The following RASGEF1C variants were observed in gnomAD, a reference collection of about 807,000 sequenced individuals.
RASGEF1C encodes ras-GEF domain-containing family member 1C.
RASGEF1C carries 27 observed loss-of-function variants against 58.1 expected under a neutral mutation model. That is an observed-to-expected ratio of 0.46 (90% confidence interval 0.34 to 0.64). The LOEUF is 0.64. RASGEF1C is among the 30% of genes least tolerant of loss of function. The pLI is 0.01. For missense variants in RASGEF1C, 502 were observed against 605.1 expected (o/e 0.83, Z 1.79); for synonymous variants, 243 against 246.3 (o/e 0.99, Z 0.13).
At chr5:180,140,112 C>A (rs1561741182) in intron 1 of RASGEF1C, among the ~76,000 whole-genome samples, 1 of 152,106 alleles carries the variant, frequency 6.6e-6, no homozygotes, top group African/African-American at 2.4e-5. Flanking sequence ...AGGTGCTGGG[C>A]ACATGGGAGG....
At chr5:180,103,364 A>C (rs544998448) in intron 12 of RASGEF1C, among the ~76,000 whole-genome samples, 2 of 152,214 alleles carry the variant, frequency 1.3e-5, no homozygotes, top group African/African-American at 2.4e-5. Context: ...GGCGTGAGCC[A>C]CCGCACCCGG....
chr5:180,202,410 G>A (rs1390198261), intron 1 of RASGEF1C, among the ~76,000 whole-genome samples: 1 of 151,910 alleles, frequency 6.6e-6, no homozygotes, highest in Non-Finnish European at 1.5e-5. Flanking sequence ...AGTCCCCCAC[G>A]TACCTAAGAT....
chr5:180,105,434 C>T (rs577007659), intron 12 of RASGEF1C, among the ~76,000 whole-genome samples: 7 of 151,702 alleles, frequency 4.6e-5, no homozygotes, highest in Non-Finnish European at 5.9e-5. Context: ...TGGTGGCGGG[C>T]GCCTGTAGTC....
At chr5:180,119,237 G>T in intron 8 of RASGEF1C, 109 bp downstream of exon 8, 1 of 946,078 alleles carries the variant, frequency 1.1e-6, no homozygotes, top group Non-Finnish European at 1.7e-6. Context: ...ACGCCCTCCC[G>T]CTGCTCAGAG....
At chr5:180,131,423 C>T (rs941950590) in intron 4 of RASGEF1C, among the ~76,000 whole-genome samples, 24 of 152,110 alleles carry the variant, frequency 1.6e-4, no homozygotes, top group African/African-American at 5.1e-4. Flanking sequence ...CCTTCTGGCA[C>T]GTTCTCCTCA....
At chr5:180,127,947 C>T (rs1454088063) in intron 5 of RASGEF1C, among the ~76,000 whole-genome samples, 3 of 152,228 alleles carry the variant, frequency 2.0e-5, no homozygotes, top group East Asian at 1.9e-4. Context: ...CCAGGCTCCA[C>T]GCTGGGTAAC....
At chr5:180,131,760 G>A (rs1038890186) in intron 4 of RASGEF1C, among the ~76,000 whole-genome samples, 2 of 152,316 alleles carry the variant, frequency 1.3e-5, no homozygotes, top group Non-Finnish European at 2.9e-5. Context: ...GCTGCAGGGT[G>A]TCTGTGCCTA....
rs192781212 is a variant in RASGEF1C, at chr5:180,195,188, C to T, written c.-7+13840G>A. On this transcript the variant is annotated intron_variant, in intron 1 of 13. Transcript: ENST00000361132. Reference sequence around the variant, plus strand: ...TGACCTTGGGGAGCAGCTGGGGCATCGTGCCCTCCCGCCAGCGTCCCTGGA... The same window carrying T: ...TGACCTTGGGGAGCAGCTGGGGCATTGTGCCCTCCCGCCAGCGTCCCTGGA... Among the ~76,000 whole-genome samples, 29 of 152,246 alleles carry T rather than the reference C, an allele frequency of 1.9e-4. 1 individual carries two copies. The East Asian group carries it at 4.1e-3, about 21-fold the overall frequency.
chr5:180,192,456 G>A (rs769146070), intron 1 of RASGEF1C, among the ~76,000 whole-genome samples: 28 of 151,864 alleles, frequency 1.8e-4, no homozygotes, highest in Non-Finnish European at 3.7e-4. Flanking sequence ...TCACACAGCC[G>A]CTTGAAAAAA....
intron 1 of RASGEF1C, among the ~76,000 whole-genome samples, chr5:180,146,359 CA>C (rs1442640897): frequency 6.6e-6 from 1 of 152,186 alleles, no homozygotes; most frequent in Non-Finnish European, 1.5e-5. Context: ...CCATGTTGCG[CA>C]GGCTGGTTTC....
chr5:180,191,652 G>A (rs13158047), intron 1 of RASGEF1C, among the ~76,000 whole-genome samples: 12,511 of 152,312 alleles, frequency 0.082, 698 homozygotes, highest in Non-Finnish European at 0.12. Flanking sequence ...CACCGCGCCC[G>A]GCCACAGTGG....
chr5:180,205,550 C>T (rs1020205497), intron 1 of RASGEF1C, among the ~76,000 whole-genome samples: 1 of 152,052 alleles, frequency 6.6e-6, no homozygotes, highest in East Asian at 1.9e-4. Flanking sequence ...TCTCCTTCCC[C>T]GCCCGAACAG....
chr5:180,132,178 C>T (rs991224704), intron 4 of RASGEF1C, among the ~76,000 whole-genome samples: 1 of 152,240 alleles, frequency 6.6e-6, no homozygotes, highest in African/African-American at 2.4e-5. Flanking sequence ...CACTTTGCCC[C>T]TCCTGCCTCG....
At chr5:180,132,225 AG>A (rs1766382512) in intron 4 of RASGEF1C, among the ~76,000 whole-genome samples, 1 of 152,132 alleles carries the variant, frequency 6.6e-6, no homozygotes, top group Admixed American at 6.5e-5. Context: ...CATAGTTGGG[AG>A]GCTGCCCGGG....
intron 1 of RASGEF1C, among the ~76,000 whole-genome samples, chr5:180,199,154 T>C (rs1323618060): frequency 6.6e-6 from 1 of 152,196 alleles, no homozygotes; most frequent in Non-Finnish European, 1.5e-5. Context: ...AGGGGGTGCC[T>C]TTCTCCTAGA....
chr5:180,169,837 C>G (rs565010133), intron 1 of RASGEF1C, among the ~76,000 whole-genome samples: 3 of 129,136 alleles, frequency 2.3e-5, no homozygotes, highest in Admixed American at 9.1e-5. Flanking sequence ...AGCCTCAGTT[C>G]TCCCCTCGCC....
At position 180,137,484 on chromosome 5, in the gene RASGEF1C, A is replaced by G. The variant is rs1766502209; in HGVS notation, c.300+106T>C. On this transcript the variant is annotated intron_variant, in intron 3 of 13. Transcript: ENST00000361132. The surrounding 1 kb of genome is among the most constrained non-coding windows in gnomAD (Gnocchi z 4.1). ...GGAAACACCCGGTAGCCACCTTGTC[A>G]GGAAAACGGGGACAATCATTGCCTC... 2 of 1,477,732 alleles carry G rather than the reference A, an allele frequency of 1.4e-6. No individual in the cohort carries two copies. Among genetic ancestry groups the G allele is most frequent in the African/African-American group, 1.4e-5 (1 of 71,910 alleles). The allele number at this position is 1,477,732 out of a possible 1,614,324, so 91.5% of individuals were successfully genotyped here.
At chr5:180,166,936 C>G (rs747879638) in intron 1 of RASGEF1C, among the ~76,000 whole-genome samples, 1 of 152,162 alleles carries the variant, frequency 6.6e-6, no homozygotes, top group African/African-American at 2.4e-5. Context: ...TCATTTGAAC[C>G]ATTCTTCCCT....
At chr5:180,183,970 G>A (rs575991227) in intron 1 of RASGEF1C, among the ~76,000 whole-genome samples, 5 of 150,826 alleles carry the variant, frequency 3.3e-5, no homozygotes, top group Admixed American at 1.3e-4. Context: ...TCAGGGGTTT[G>A]AGACCAGCCT....
Sources: gnomAD v4.1 joint callset for allele counts (sites outside exome capture counted in the v4.1 genomes callset) on GRCh38, gnomAD v4.1.1 for gene constraint, Gnocchi (gnomAD v3.1) non-coding constraint, MANE v1.5 for transcripts, NCBI Gene and HGNC (gene_info 2026-07-23, HGNC 2026-07-21) for gene names.